The following EYA4 variants were observed in gnomAD, a reference collection of about 807,000 sequenced individuals.
The protein encoded by EYA4 is EYA transcriptional coactivator and phosphatase 4.
In EYA4, 31 loss-of-function variants were observed where a neutral mutation model predicts 87.9. The ratio of observed to expected loss-of-function variants is 0.35; its 90% confidence interval spans 0.27 to 0.48. The LOEUF (loss-of-function observed/expected upper bound fraction) is 0.48. EYA4 is among the 20% of genes least tolerant of loss of function. The pLI is 0.99. For synonymous variants in EYA4, 263 were observed against 270.6 expected, an observed-to-expected ratio of 0.97 and a Z score of 0.28; for missense variants, 678 against 761.4, an observed-to-expected ratio of 0.89 and a Z score of 1.29.
At position 133,523,195 on chromosome 6, in the gene EYA4, A is replaced by G. The variant is rs767421131; in HGVS notation, c.1738+18A>G. Reference sequence around the variant, plus strand: ...TAAAATAGGTAAGGAAATTATTTTAAACTCTGTATGGAATGTGTCCACATC... The same window carrying G: ...TAAAATAGGTAAGGAAATTATTTTAGACTCTGTATGGAATGTGTCCACATC... On this transcript the variant is annotated intron_variant, in intron 18 of 19. Transcript: ENST00000355286. 6.2e-7 allele frequency: 1 copy of G among 1,609,786 alleles called. No individual in the cohort carries two copies. Among genetic ancestry groups the G allele is most frequent in the South Asian group, 1.1e-5 (1 of 91,014 alleles).
At chr6:133,265,275 G>A (rs1776123899) in intron 1 of EYA4, among the ~76,000 whole-genome samples, 1 of 151,568 alleles carries the variant, frequency 6.6e-6, no homozygotes, top group South Asian at 2.1e-4. Flanking sequence ...AAAAATAATT[G>A]CGGTTTTTGC....
intron 13 of EYA4, among the ~76,000 whole-genome samples, chr6:133,483,539 A>G (rs904507895): frequency 2.6e-5 from 4 of 152,086 alleles, no homozygotes; most frequent in African/African-American, 9.6e-5. Flanking sequence ...TTTTGGATTT[A>G]TGAATGAGTG....
chr6:133,486,216 A>G (rs1466754552), intron 13 of EYA4, among the ~76,000 whole-genome samples: 2 of 152,216 alleles, frequency 1.3e-5, no homozygotes, highest in East Asian at 3.8e-4. Context: ...GAATTATTAC[A>G]TATATTTCTC....
intron 14 of EYA4, among the ~76,000 whole-genome samples, chr6:133,510,041 A>G (rs190372825): frequency 7.2e-5 from 11 of 152,326 alleles, no homozygotes; most frequent in Admixed American, 3.3e-4. Flanking sequence ...TTAAATTTGG[A>G]AAAACCTCAA....
chr6:133,309,180 GTTACT>G (rs1780031144), intron 2 of EYA4, among the ~76,000 whole-genome samples: 1 of 146,814 alleles, frequency 6.8e-6, no homozygotes, highest in Non-Finnish European at 1.5e-5. Flanking sequence ...TCCTTTAGTA[GTTACT>G]TTAAATATAT....
rs748654006 is a variant in EYA4 at position 133,468,585 on chromosome 6, C to A, written c.824C>A (p.Ala275Asp). Residue 275 changes from alanine (A) to aspartate (D), a missense_variant, in exon 11 of 20, where the codon GCC becomes GAC. By Grantham distance (126) the Ala-to-Asp change is moderately radical (BLOSUM62 -2). Transcript: ENST00000355286. ...GSQQDYPSYT[A>D]FGQNQYAQYY... ...TTTCAGGATTATCCATCCTATACAGCCTTTGGCCAAAACCAGTATGCACAG... is the reference window on the plus strand; with the variant it reads ...TTTCAGGATTATCCATCCTATACAGACTTTGGCCAAAACCAGTATGCACAG... 2.5e-6 allele frequency: 4 copies of A among 1,611,578 alleles called. No individual in the cohort carries two copies. Among genetic ancestry groups the A allele is most frequent in the Admixed American group, 3.3e-5 (2 of 59,810 alleles).
At chr6:133,381,064 GTTT>G (rs1237546958) in intron 2 of EYA4, among the ~76,000 whole-genome samples, 3 of 99,360 alleles carry the variant, frequency 3.0e-5, no homozygotes, top group Non-Finnish European at 6.1e-5. Flanking sequence ...CTGTGAAACC[GTTT>G]TTTTTTTCTT....
chr6:133,396,459 C>T (rs1320155887), intron 3 of EYA4, among the ~76,000 whole-genome samples: 1 of 152,180 alleles, frequency 6.6e-6, no homozygotes, highest in African/African-American at 2.4e-5. Flanking sequence ...CCACACCCTG[C>T]TCGGTGCAAC....
intron 2 of EYA4, among the ~76,000 whole-genome samples, chr6:133,370,465 C>G (rs187538502): frequency 2.0e-5 from 3 of 152,164 alleles, no homozygotes; most frequent in Non-Finnish European, 4.4e-5. Context: ...TACATAGGAA[C>G]TGAGCAAGCC....
intron 3 of EYA4, among the ~76,000 whole-genome samples, chr6:133,411,242 A>G (rs879508115): frequency 1.3e-5 from 2 of 152,148 alleles, no homozygotes; most frequent in Non-Finnish European, 2.9e-5. Flanking sequence ...CTGTGGGGGA[A>G]GGTTATGATG....
At chr6:133,441,786 G>GCAGGTAAACAGAATGAGTCAGGGTGGAA (rs1792321392) in intron 3 of EYA4, among the ~76,000 whole-genome samples, 1 of 152,020 alleles carries the variant, frequency 6.6e-6, no homozygotes, top group Non-Finnish European at 1.5e-5. Context: ...TCAGGGTGGA[G>GCAGGTAAACAGAATGAGTCAGGGTGGAA]CAGGTAATCA....
intron 2 of EYA4, among the ~76,000 whole-genome samples, chr6:133,362,794 A>G (rs1784550288): frequency 6.6e-6 from 1 of 152,216 alleles, no homozygotes; most frequent in African/African-American, 2.4e-5. Context: ...AATCTTGTTT[A>G]CTAACATAGA....
intron 2 of EYA4, among the ~76,000 whole-genome samples, chr6:133,333,295 A>C (rs1422906497): frequency 1.3e-5 from 2 of 152,214 alleles, no homozygotes; most frequent in East Asian, 3.9e-4. Context: ...AGAACGTAAC[A>C]ATTTAATCTG....
intron 2 of EYA4, among the ~76,000 whole-genome samples, chr6:133,300,916 C>G (rs1479288075): frequency 1.3e-5 from 2 of 152,138 alleles, no homozygotes; most frequent in Non-Finnish European, 2.9e-5. Context: ...GGTCTGCTTC[C>G]CTACTGTATT....
chr6:133,491,739 CAGG>C (rs1156945929), intron 13 of EYA4, among the ~76,000 whole-genome samples: 1 of 151,936 alleles, frequency 6.6e-6, no homozygotes, highest in Non-Finnish European at 1.5e-5. Flanking sequence ...ATCACGAGGT[CAGG>C]AGATCAAGAC....
intron 13 of EYA4, among the ~76,000 whole-genome samples, chr6:133,483,543 AT>A (rs1796412556): frequency 6.6e-6 from 1 of 151,922 alleles, no homozygotes; most frequent in Non-Finnish European, 1.5e-5. Flanking sequence ...GGATTTATGA[AT>A]GAGTGTTTTT....
intron 2 of EYA4, among the ~76,000 whole-genome samples, chr6:133,363,570 G>A (rs1784622374): frequency 6.6e-6 from 1 of 151,468 alleles, no homozygotes; most frequent in South Asian, 2.1e-4. Flanking sequence ...CGCCTCCCGG[G>A]TTCACGCCAT....
At chr6:133,429,131 C>G (rs772795379) in intron 3 of EYA4, among the ~76,000 whole-genome samples, 2 of 151,418 alleles carry the variant, frequency 1.3e-5, no homozygotes, top group Admixed American at 6.6e-5. Context: ...TTCACCATGT[C>G]AGTCAGGCTG....
intron 2 of EYA4, among the ~76,000 whole-genome samples, chr6:133,340,525 GT>G (rs1280031560): frequency 2.0e-5 from 3 of 152,194 alleles, no homozygotes; most frequent in African/African-American, 7.2e-5. Flanking sequence ...CATTGATAAG[GT>G]GGTGTTTATA....
Sources: gnomAD v4.1 joint callset for allele counts (sites outside exome capture counted in the v4.1 genomes callset) on GRCh38, gnomAD v4.1.1 for gene constraint, MANE v1.5 for transcripts, NCBI Gene and HGNC (gene_info 2026-07-23, HGNC 2026-07-21) for gene names.